The following EPB41L5 variants were observed in gnomAD, a reference collection of about 807,000 sequenced individuals.
EPB41L5 encodes the protein erythrocyte membrane protein band 4.1 like 5, also known as band 4.1-like protein 5.
EPB41L5 carries 55 observed loss-of-function variants against 106.6 expected under a neutral mutation model. The ratio of observed to expected loss-of-function variants is 0.52; its 90% CI spans 0.42 to 0.65. The LOEUF (loss-of-function observed/expected upper bound fraction) is 0.65, where lower values mean the gene tolerates loss of function less well. EPB41L5 is among the 30% of genes least tolerant of loss of function. EPB41L5 has a pLI of 0.00. For missense variants in EPB41L5, 871 were observed against 882.1 expected (o/e 0.99, Z 0.16); for synonymous variants, 297 against 306.7 (o/e 0.97, Z 0.33).
intron 17 of EPB41L5, among the ~76,000 whole-genome samples, chr2:120,129,719 G>C (rs1387268368): frequency 6.6e-6 from 1 of 152,158 alleles, no homozygotes; most frequent in East Asian, 1.9e-4. Flanking sequence ...CAAATATTTG[G>C]AAATCTGATA....
intron 3 of EPB41L5, among the ~76,000 whole-genome samples, chr2:120,060,841 T>C (rs1401041026): frequency 1.3e-5 from 2 of 152,142 alleles, no homozygotes; most frequent in African/African-American, 4.8e-5. Context: ...ACCGGGCCTC[T>C]TCTTACTATC....
chr2:120,050,429 C>T (rs945593737), intron 3 of EPB41L5, among the ~76,000 whole-genome samples: 2 of 152,160 alleles, frequency 1.3e-5, no homozygotes, highest in African/African-American at 4.8e-5. Context: ...CACTGATACC[C>T]TTTCTTCCAG....
At chr2:120,098,746 G>A (rs1461815781) in intron 14 of EPB41L5, among the ~76,000 whole-genome samples, 3 of 152,156 alleles carry the variant, frequency 2.0e-5, no homozygotes, top group Non-Finnish European at 2.9e-5. Flanking sequence ...TATAAAATAT[G>A]TTCACTCTTC....
chr2:120,148,852 T>C (rs966123738), intron 20 of EPB41L5, among the ~76,000 whole-genome samples: 2 of 152,198 alleles, frequency 1.3e-5, no homozygotes, highest in Non-Finnish European at 2.9e-5. Flanking sequence ...AAATATACTT[T>C]CAGTTCTCCT....
At chr2:120,065,157 C>T (rs896110207) in intron 3 of EPB41L5, among the ~76,000 whole-genome samples, 1 of 152,064 alleles carries the variant, frequency 6.6e-6, no homozygotes, top group Non-Finnish European at 1.5e-5. Flanking sequence ...CTTGTTCTGT[C>T]GCCCAGGCTG....
intron 20 of EPB41L5, among the ~76,000 whole-genome samples, chr2:120,147,185 A>G (rs1686441335): frequency 6.6e-6 from 1 of 152,166 alleles, no homozygotes; most frequent in Non-Finnish European, 1.5e-5. Flanking sequence ...CTGTCTCTAC[A>G]ATTAAAAATA....
intron 22 of EPB41L5, 81 bp from the exon 23 acceptor site, chr2:120,167,385 A>C: frequency 1.7e-6 from 2 of 1,203,352 alleles, no homozygotes; most frequent in Non-Finnish European, 2.5e-6. Flanking sequence ...GGATTTCATA[A>C]TAGATGTAAG....
At chr2:120,037,510 G>A (rs897582509) in intron 2 of EPB41L5, among the ~76,000 whole-genome samples, 3 of 152,232 alleles carry the variant, frequency 2.0e-5, no homozygotes, top group Non-Finnish European at 2.9e-5. Flanking sequence ...AAGTTACTAC[G>A]AAACTACAGA....
At chr2:120,160,192 C>T (rs1687082914) in intron 20 of EPB41L5, among the ~76,000 whole-genome samples, 1 of 152,154 alleles carries the variant, frequency 6.6e-6, no homozygotes, top group Non-Finnish European at 1.5e-5. Flanking sequence ...TATAACAAAC[C>T]TGCACATGTA....
intron 16 of EPB41L5, chr2:120,105,936 G>C: frequency 6.1e-6 from 6 of 985,184 alleles, no homozygotes; most frequent in Non-Finnish European, 7.2e-6. Flanking sequence ...TGTTTCTATA[G>C]TAAAAACCAA....
chr2:120,057,373 T>C (rs2105269222), intron 3 of EPB41L5, among the ~76,000 whole-genome samples: 1 of 152,318 alleles, frequency 6.6e-6, no homozygotes, highest in East Asian at 1.9e-4. Flanking sequence ...TTTAATATCC[T>C]TTTATATAGT....
chr2:120,152,147 TTGTG>T, intron 20 of EPB41L5, among the ~76,000 whole-genome samples: 1 of 152,342 alleles, frequency 6.6e-6, no homozygotes, highest in Non-Finnish European at 1.5e-5. Context: ...CCATTGAGTG[TTGTG>T]TGTATGTTTT....
chr2:120,078,570 C>T lies in EPB41L5; in HGVS notation c.792C>T (p.Gly264=). The T allele has an allele frequency of 6.2e-7, 1 of 1,604,440 alleles. No homozygotes were observed. Residue 264 remains glycine, a synonymous_variant, in exon 10 of 25, where the codon GGC becomes GGT. Transcript: ENST00000263713. ...VLVFEGDTKI[G]LFFWPKITRL... is the part of the protein sequence containing the mutation. ...TTTTTGAAGGAGATACCAAAATTGGCTTATTTTTTTGGTAAGCAAGAGTTA... is the reference window on the plus strand; with the variant it reads ...TTTTTGAAGGAGATACCAAAATTGGTTTATTTTTTTGGTAAGCAAGAGTTA...
intron 12 of EPB41L5, among the ~76,000 whole-genome samples, chr2:120,091,088 T>C (rs558697740): frequency 2.6e-5 from 4 of 152,300 alleles, no homozygotes; most frequent in East Asian, 1.9e-4. Flanking sequence ...AGTCTACTTA[T>C]ATTAAAAGTA....
intron 18 of EPB41L5, among the ~76,000 whole-genome samples, chr2:120,138,789 A>T (rs975070640): frequency 3.3e-5 from 5 of 152,048 alleles, no homozygotes; most frequent in Non-Finnish European, 7.4e-5. Flanking sequence ...TTTAATCCCT[A>T]TCAAAATACC....
chr2:120,156,661 C>T (rs1173545028), intron 20 of EPB41L5, among the ~76,000 whole-genome samples: 1 of 152,134 alleles, frequency 6.6e-6, no homozygotes, highest in African/African-American at 2.4e-5. Flanking sequence ...AGCAACCACC[C>T]CTGCCTGCAG....
intron 16 of EPB41L5, chr2:120,106,489 G>T (rs1427446223): frequency 2.6e-5 from 26 of 984,960 alleles, no homozygotes; most frequent in Admixed American, 6.1e-5. Context: ...ATTTTATTAT[G>T]CCTAAAGAGT....
chr2:120,042,887 T>C (rs995963969), intron 3 of EPB41L5, among the ~76,000 whole-genome samples: 3 of 152,070 alleles, frequency 2.0e-5, no homozygotes, highest in East Asian at 1.9e-4. Flanking sequence ...GGGAAAGTTA[T>C]TACAAATACT....
At chr2:120,076,514 A>G (rs1435714457) in intron 7 of EPB41L5, among the ~76,000 whole-genome samples, 1 of 92,820 alleles carries the variant, frequency 1.1e-5, no homozygotes, top group Non-Finnish European at 2.0e-5. Context: ...AGGTCTTGCT[A>G]TGTTGCCTAG....
Sources: gnomAD v4.1 joint callset for allele counts (sites outside exome capture counted in the v4.1 genomes callset) on GRCh38, gnomAD v4.1.1 for gene constraint, MANE v1.5 for transcripts, NCBI Gene and HGNC (gene_info 2026-07-23, HGNC 2026-07-21) for gene names.